The following CLCN1 variants were observed in gnomAD, a reference collection of about 807,000 sequenced individuals.
The protein encoded by CLCN1 is chloride voltage-gated channel 1, also known as chloride channel protein 1.
CLCN1 carries 100 observed loss-of-function variants against 114.5 expected under a neutral mutation model. The ratio of observed to expected loss-of-function variants is 0.87; its 90% CI spans 0.74 to 1.03. CLCN1 has a LOEUF of 1.03. Among genes scored for constraint, CLCN1 ranks in the 50% least tolerant of loss-of-function variants. The pLI is 0.00. For synonymous variants in CLCN1, 485 were observed against 487.1 expected (o/e 1.00, Z 0.06); for missense variants, 1,188 against 1,250.0 (o/e 0.95, Z 0.75).
At chr7:143,333,409 A>G (rs1336473280) in intron 12 of CLCN1, among the ~76,000 whole-genome samples, 1 of 152,232 alleles carries the variant, frequency 6.6e-6, no homozygotes, top group Admixed American at 6.5e-5. Flanking sequence ...ATAGTTATCT[A>G]ACCCTTCTAA....
chr7:143,342,433 T>C lies in CLCN1; in HGVS notation c.1858T>C (p.Tyr620His). ...VRDVKFVSAS[Y>H]TYGELRTLLQ... ...TGATGTGAAGTTTGTTTCAGCTTCT[T>C]ACACATATGGGGAGTTGCGAACCCT... Residue 620 changes from tyrosine (Y) to histidine (H), a missense_variant, in exon 16 of 23, where the codon TAC (tyrosine) becomes CAC (histidine). Tyr to His is a moderately conservative substitution (Grantham distance 83, BLOSUM62 2). Transcript: ENST00000343257. 1 of 1,614,112 alleles carries C rather than the reference T, an allele frequency of 6.2e-7. No homozygotes were observed. The highest frequency in any genetic ancestry group is 8.5e-7 in the Non-Finnish European group (1 of 1,180,002).
Position 143,342,135 on chromosome 7 carries a change from C to G in CLCN1, c.1789C>G (p.Gln597Glu). The G allele has an allele frequency of 6.2e-7, 1 of 1,614,004 alleles. No homozygotes were observed. Among genetic ancestry groups the G allele is most frequent in the South Asian group, 1.1e-5 (1 of 91,082 alleles). The change falls in exon 15 of 23, where the codon CAG becomes GAG. Residue 597 changes from glutamine to glutamate, a missense_variant. Transcript: ENST00000343257. ...LPYLPDLGWNQLSKYTIFVED... is the reference protein window; with the variant it reads ...LPYLPDLGWNELSKYTIFVED... Reference sequence around the variant, plus strand: ...CTACTTGCCTGACCTTGGCTGGAACCAGCTCAGGTCAGGGGCACTAGACGG... The same window carrying G: ...CTACTTGCCTGACCTTGGCTGGAACGAGCTCAGGTCAGGGGCACTAGACGG...
intron 20 of CLCN1, among the ~76,000 whole-genome samples, chr7:143,347,446 C>G (rs1469512898): frequency 6.6e-6 from 1 of 151,232 alleles, no homozygotes; most frequent in Admixed American, 6.6e-5. Context: ...CGTGGTGAAA[C>G]TCCATTTCTA....
At chr7:143,344,632 A>C (rs1803175685) in intron 16 of CLCN1, among the ~76,000 whole-genome samples, 1 of 152,188 alleles carries the variant, frequency 6.6e-6, no homozygotes, top group Non-Finnish European at 1.5e-5. Context: ...TCTCCAGAGC[A>C]CTGCTGCAAT....
chr7:143,343,714 CTCTT>C lies in CLCN1; in HGVS notation c.1930+1220_1930+1223del, dbSNP rs1023876873. Among the ~76,000 whole-genome samples the C allele has an allele frequency of 1.5e-4, 21 of 140,768 alleles. No individual in the cohort carries two copies. The South Asian group carries it at 3.2e-3, about 21-fold the overall frequency. 92.3% of individuals were successfully genotyped at this position (140,768 alleles called of 152,430 possible). On this transcript the variant is annotated intron_variant, in intron 16 of 22. Transcript: ENST00000343257. Reference sequence around the variant, plus strand: ...GTTTTCTTTCTTCCTTCCTTTCTTTCTCTTTCTTTCTTTCCTTCTTTTTCTTTCT... The same window carrying C: ...GTTTTCTTTCTTCCTTCCTTTCTTTCTCTTTCTTTCCTTCTTTTTCTTTCT...
intron 15 of CLCN1, 30 bp from the exon 16 acceptor site, chr7:143,342,342 G>A (rs373391529): frequency 6.2e-7 from 1 of 1,613,108 alleles, no homozygotes. Context: ...ATACGGTGGG[G>A]CTAACCCACC....
chr7:143,349,916 C>T (rs1030667488), intron 20 of CLCN1, among the ~76,000 whole-genome samples: 14 of 152,066 alleles, frequency 9.2e-5, no homozygotes, highest in African/African-American at 3.4e-4. Flanking sequence ...TCAGGAAATA[C>T]GTACACTGCA....
Position 143,332,850 on chromosome 7 carries a change from ATC to A in CLCN1, c.1380_1381del (p.Phe461SerfsTer47). 1 of 1,614,146 alleles carries A rather than the reference ATC, an allele frequency of 6.2e-7. No individual in the cohort carries two copies. Among genetic ancestry groups the A allele is most frequent in the African/African-American group, 1.3e-5 (1 of 75,032 alleles). ...CCCCCGGGTCAACGTTGTCATCATC[ATC>A]TTTCTCTTCTTCGTCATGAAGGTAC... The part of the protein sequence containing the change: ...IHPRVNVVII[I>X]FLFFVMKFWM... On this transcript the variant is annotated frameshift_variant, in exon 12 of 23. Transcript: ENST00000343257. LOFTEE classifies it high-confidence loss of function.
At position 143,321,499 on chromosome 7, in the gene CLCN1, A is replaced by C. The variant is rs1245612236; in HGVS notation, c.562+6A>C. ...CATCTCTCCCCAGGCTGTTGGTGAG[A>C]ACTTGCCACCAGACTCGGCCTGAGC... is the stretch of plus-strand genomic sequence containing the variant. On this transcript the variant is annotated splice_donor_region_variant and intron_variant, in intron 4 of 22. Transcript: ENST00000343257. The surrounding 1 kb of genome is among the most constrained non-coding windows in gnomAD (Gnocchi z 4.2). The C allele has an allele frequency of 1.2e-6, 2 of 1,613,826 alleles. No individual in the cohort carries two copies. The highest frequency in any genetic ancestry group is 1.6e-4 in the Middle Eastern group (1 of 6,062).
chr7:143,342,417 G>A lies in CLCN1; in HGVS notation c.1842G>A (p.Lys614=), dbSNP rs140205115. ...AGGACATCATGGTACGTGATGTGAA[G>A]TTTGTTTCAGCTTCTTACACATATG... is the stretch of plus-strand genomic sequence containing the variant. ...FVEDIMVRDV[K]FVSASYTYGE... is the part of the protein sequence containing the mutation. Residue 614 remains lysine (K), a synonymous_variant, in exon 16 of 23, where the codon AAG becomes AAA. Coordinates refer to ENST00000343257, the MANE Select transcript of CLCN1 (RefSeq NM_000083.3). The A allele has an allele frequency of 1.2e-6, 2 of 1,614,116 alleles. No individual in the cohort carries two copies. The highest frequency in any genetic ancestry group is 3.3e-4 in the Middle Eastern group (2 of 6,062).
At position 143,320,812 on chromosome 7, in the gene CLCN1, C is replaced by T; in HGVS notation, c.433+17C>T. The T allele has an allele frequency of 6.2e-7, 1 of 1,613,806 alleles. No individual in the cohort carries two copies. Among genetic ancestry groups the T allele is most frequent in the Non-Finnish European group, 8.5e-7 (1 of 1,179,844 alleles). Reference sequence around the variant, plus strand: ...GCCTTCAGGGTAGGTTTAACCTGGACCTTTGCCCACAGCCGTTTCTGGAGT... The same window carrying T: ...GCCTTCAGGGTAGGTTTAACCTGGATCTTTGCCCACAGCCGTTTCTGGAGT... On this transcript the variant is annotated intron_variant, in intron 3 of 22. Transcript: ENST00000343257.
chr7:143,342,531 C>G, intron 16 of CLCN1, 26 bp downstream of exon 16: 1 of 1,613,384 alleles, frequency 6.2e-7, no homozygotes, highest in Non-Finnish European at 8.5e-7. Context: ...GAAGTCGACT[C>G]CAGAGCTAGT....
rs1803351637 is a variant in CLCN1, at chr7:143,350,012, GT to G, written c.2404-359del. Among the ~76,000 whole-genome samples, 1 of 152,342 alleles carries G rather than the reference GT, an allele frequency of 6.6e-6. No homozygotes were observed. The highest frequency in any genetic ancestry group is 2.4e-5 in the African/African-American group (1 of 41,592). ...AGGCATGTTTGAAGAGCAGAAAGCAGTCTGGTTTGATTGGAGCCCCACGTCT... is the reference window on the plus strand; with the variant it reads ...AGGCATGTTTGAAGAGCAGAAAGCAGCTGGTTTGATTGGAGCCCCACGTCT... On this transcript the variant is annotated intron_variant, in intron 20 of 22. Coordinates refer to ENST00000343257, the MANE Select transcript of CLCN1 (RefSeq NM_000083.3). This position sits in a 1 kb window ranked among gnomAD's most constrained non-coding sequence, Gnocchi z 5.1.
chr7:143,334,530 T>G (rs1802819983), intron 12 of CLCN1, among the ~76,000 whole-genome samples: 1 of 152,202 alleles, frequency 6.6e-6, no homozygotes, highest in Non-Finnish European at 1.5e-5. Flanking sequence ...GTACATAATA[T>G]TTCATCATTA....
intron 7 of CLCN1, among the ~76,000 whole-genome samples, chr7:143,330,100 C>T (rs1490232659): frequency 1.3e-5 from 2 of 152,146 alleles, no homozygotes; most frequent in African/African-American, 2.4e-5. Context: ...CTTCTTCTAG[C>T]CTCTTGGTTT....
rs1330488282 is a variant in CLCN1 at position 143,321,332 on chromosome 7, G to A, written c.434-33G>A. On this transcript the variant is annotated intron_variant, in intron 3 of 22. Coordinates refer to ENST00000343257, the MANE Select transcript of CLCN1 (RefSeq NM_000083.3). The surrounding 1 kb of genome is among the most constrained non-coding windows in gnomAD (Gnocchi z 4.2). ...GCCGTGGACACGGCTGCTCAGCCATGTTCTGCCTAACCCCAGGCATGTGTC... is the reference window on the plus strand; with the variant it reads ...GCCGTGGACACGGCTGCTCAGCCATATTCTGCCTAACCCCAGGCATGTGTC... 1.2e-6 allele frequency: 2 copies of A among 1,613,486 alleles called. No individual in the cohort carries two copies. Among genetic ancestry groups the A allele is most frequent in the South Asian group, 2.2e-5 (2 of 90,986 alleles).
rs547842403 is a variant in CLCN1 at position 143,336,255 on chromosome 7, A to G, written c.1402-2998A>G. On this transcript the variant is annotated intron_variant, in intron 12 of 22. Transcript: ENST00000343257. ...GGGTCTAAATATGGTGGAAACCCAT[A>G]ATGGGTTTCCAGTTTTCCAGTTCCC... Among the ~76,000 whole-genome samples, 6 of 152,004 alleles carry G rather than the reference A, an allele frequency of 3.9e-5. No homozygotes were observed. In the South Asian group the frequency reaches 8.3e-4, roughly 21 times the overall value.
At chr7:143,346,681 A>G in intron 19 of CLCN1, 23 bp downstream of exon 19, 1 of 1,591,622 alleles carries the variant, frequency 6.3e-7, no homozygotes, top group Admixed American at 1.7e-5. Context: ...GTGTTTGGGG[A>G]TACAGGGGAA....
chr7:143,349,421 G>A (rs1563089525), intron 20 of CLCN1, among the ~76,000 whole-genome samples: 1 of 152,204 alleles, frequency 6.6e-6, no homozygotes, highest in African/African-American at 2.4e-5. Flanking sequence ...AGTTTGAGAG[G>A]TGTAGATTTG....
Sources: allele counts gnomAD v4.1 joint callset (sites outside exome capture counted in the v4.1 genomes callset), GRCh38; gene constraint gnomAD v4.1.1; non-coding constraint Gnocchi (gnomAD v3.1); transcripts MANE v1.5; gene names NCBI Gene and HGNC (gene_info 2026-07-23, HGNC 2026-07-21).